Variants in EMC1 observed in about 807,000 individuals in gnomAD.
EMC1 encodes KIAA0090.
A neutral mutation model predicts 128.8 loss-of-function variants in EMC1; 103 were observed. That is an observed-to-expected ratio of 0.80 (90% CI 0.68 to 0.94). The LOEUF is 0.94. EMC1 is among the 40% of genes least tolerant of loss of function. The pLI is 0.00. For synonymous variants in EMC1, 442 were observed against 490.4 expected, an observed-to-expected ratio of 0.90 and a Z score of 1.30; for missense variants, 1,083 against 1,250.6, an observed-to-expected ratio of 0.87 and a Z score of 2.02.
chr1:19,244,767 A>G, intron 2 of EMC1, 139 bp downstream of exon 2: 2 of 977,840 alleles, frequency 2.0e-6, no homozygotes, highest in East Asian at 4.9e-5. Flanking sequence ...AGACTGAAAA[A>G]AAAAAAGTAT....
rs1429262655 is a variant in EMC1, at chr1:19,219,906, A to C, written c.2673-208T>G. On this transcript the variant is annotated intron_variant, in intron 21 of 22. Coordinates refer to ENST00000477853, the MANE Select transcript of EMC1 (RefSeq NM_015047.3). Reference sequence around the variant, plus strand: ...AAGCTCTCTGGAGAGTAAGACTGAGATCTAGATTCCTACTTTGTTCTAAAT... The same window carrying C: ...AAGCTCTCTGGAGAGTAAGACTGAGCTCTAGATTCCTACTTTGTTCTAAAT... 3 of 561,204 alleles carry C rather than the reference A, an allele frequency of 5.3e-6. No homozygotes were observed. The Admixed American group carries it at 9.4e-5, about 18-fold the overall frequency. 34.8% of individuals were successfully genotyped at this position (561,204 alleles called of 1,614,324 possible). A position where few individuals can be genotyped will look rare whatever the true frequency, so the allele number is the denominator to read the frequency against.
chr1:19,224,966 T>C (rs1368427933), intron 18 of EMC1, among the ~76,000 whole-genome samples: 1 of 152,214 alleles, frequency 6.6e-6, no homozygotes, highest in African/African-American at 2.4e-5. Context: ...GTCCACTCAC[T>C]CCGTGCCACT....
intron 17 of EMC1, among the ~76,000 whole-genome samples, chr1:19,230,032 C>CA (rs1165166645): frequency 1.3e-5 from 2 of 152,168 alleles, no homozygotes; most frequent in African/African-American, 4.8e-5. Context: ...AAGGCCATGC[C>CA]AGCCCCTCGT....
intron 13 of EMC1, chr1:19,234,235 A>T (rs1214210673): frequency 2.0e-5 from 20 of 976,690 alleles, no homozygotes; most frequent in African/African-American, 3.5e-5. Flanking sequence ...ATTAATCCTC[A>T]GCTTAAGAAA....
In EMC1 at chr1:19,232,698, AG is replaced by A; in HGVS notation, c.1707del (p.Phe570LeufsTer3). The A allele has an allele frequency of 1.9e-6, 3 of 1,614,216 alleles. No homozygotes were observed. The highest frequency in any genetic ancestry group is 2.5e-6 in the Non-Finnish European group (3 of 1,180,036). On this transcript the variant is annotated frameshift_variant, in exon 15 of 23. Coordinates refer to ENST00000477853, the MANE Select transcript of EMC1 (RefSeq NM_015047.3). LOFTEE classifies it high-confidence loss of function. Reference sequence around the variant, plus strand: ...GTAGTTCTCTGGACCATCAGTTTAAAGGAGGAGTCTGGCTTGACATTGGGTA... The same window carrying A: ...GTAGTTCTCTGGACCATCAGTTTAAAGAGGAGTCTGGCTTGACATTGGGTA... ...QYLPNVKPDS[S>X]FKLMVQRTTA... is the part of the protein sequence containing the mutation.
chr1:19,235,044 A>G lies in EMC1; in HGVS notation c.1432+86T>C, dbSNP rs1039759298. 4.2e-6 allele frequency: 6 copies of G among 1,434,030 alleles called. No homozygotes were observed. In the African/African-American group the frequency reaches 7.1e-5, roughly 17 times the overall value. 88.8% of individuals were successfully genotyped at this position (1,434,030 alleles called of 1,614,324 possible). ...AGCAATCTGCCCAGCCTAGGAAGCCAGAGATGCATGATACAGTGTCTCTTG... is the reference window on the plus strand; with the variant it reads ...AGCAATCTGCCCAGCCTAGGAAGCCGGAGATGCATGATACAGTGTCTCTTG... On this transcript the variant is annotated intron_variant, in intron 13 of 22. Transcript: ENST00000477853.
chr1:19,239,196 A>G (rs776983053), intron 9 of EMC1, 35 bp downstream of exon 9: 3 of 1,591,600 alleles, frequency 1.9e-6, no homozygotes, highest in Non-Finnish European at 2.6e-6. Context: ...CAGGAAGGAA[A>G]ATCCCAAGTG....
chr1:19,220,315 A>G (rs1451525094), intron 21 of EMC1: 2 of 157,988 alleles, frequency 1.3e-5, no homozygotes, highest in African/African-American at 4.8e-5. Flanking sequence ...CCCTCCGCAA[A>G]CTCACCAGAC....
At position 19,239,266 on chromosome 1, in the gene EMC1, T is replaced by G; in HGVS notation, c.991A>C (p.Thr331Pro). The G allele has an allele frequency of 6.2e-7, 1 of 1,614,190 alleles. No individual in the cohort carries two copies. Among genetic ancestry groups the G allele is most frequent in the Non-Finnish European group, 8.5e-7 (1 of 1,180,010 alleles). The change falls in exon 9 of 23, where the codon ACG becomes CCG. Residue 331 changes from threonine (T) to proline (P), a missense_variant. This residue lies in a region of EMC1 where 544 missense variants were observed against 572.4 expected (regional missense o/e 0.95). Transcript: ENST00000477853. ...LVSFATTGEK[T>P]VAAVMACRNE... ...CGACAGGCCATGACTGCAGCCACCG[T>G]CTTCTCCCCAGTGGTGGCAAAGCTC...
At position 19,231,133 on chromosome 1, in the gene EMC1, G is replaced by A. The variant is rs938485281; in HGVS notation, c.1944+128C>T. 3.3e-5 allele frequency: 44 copies of A among 1,322,966 alleles called. 1 individual carries two copies. In the Middle Eastern group the frequency reaches 1.4e-3, roughly 41 times the overall value. 82.0% of individuals were successfully genotyped at this position (1,322,966 alleles called of 1,614,324 possible). On this transcript the variant is annotated intron_variant, in intron 16 of 22. Coordinates refer to ENST00000477853, the MANE Select transcript of EMC1 (RefSeq NM_015047.3). Reference sequence around the variant, plus strand: ...GCAGACACAGCCATCATTTCTCTTCGGGATGGCCTTAGAGCCCAAACACGT... The same window carrying A: ...GCAGACACAGCCATCATTTCTCTTCAGGATGGCCTTAGAGCCCAAACACGT...
At chr1:19,221,158 G>GCCTCCCTCCCATA (rs2093428336) in intron 20 of EMC1, 1 of 209,722 alleles carries the variant, frequency 4.8e-6, no homozygotes. Flanking sequence ...TCTCCCCGGG[G>GCCTCCCTCCCATA]CCTCCCTCCC....
Position 19,239,297 on chromosome 1 carries a change from G to C in EMC1, c.960C>G (p.Ala320=), listed in dbSNP as rs1432309664. Residue 320 remains alanine (A), a synonymous_variant, in exon 9 of 23, where the codon GCC becomes GCG. Transcript: ENST00000477853. The part of the protein sequence containing the change: ...LSLLKNFPQT[A]LVSFATTGEK... ...CCCCAGTGGTGGCAAAGCTCACTAG[G>C]GCAGTCTGGGGGAAAAGCAAGGCAT... 5 of 1,614,076 alleles carry C rather than the reference G, an allele frequency of 3.1e-6. No homozygotes were observed. The highest frequency in any genetic ancestry group is 4.2e-6 in the Non-Finnish European group (5 of 1,179,934).
At chr1:19,230,443 G>C (rs528493536) in intron 17 of EMC1, among the ~76,000 whole-genome samples, 1 of 152,158 alleles carries the variant, frequency 6.6e-6, no homozygotes, top group Admixed American at 6.6e-5. Flanking sequence ...GGTGGCGCAC[G>C]CCTGTAATCC....
At chr1:19,234,075 C>T (rs1203991192) in intron 13 of EMC1, 1 of 475,850 alleles carries the variant, frequency 2.1e-6, no homozygotes, top group Non-Finnish European at 2.7e-6. Flanking sequence ...CACACACACC[C>T]CAAGGATGTA....
Position 19,240,412 on chromosome 1 carries a change from G to C in EMC1, c.671C>G (p.Ser224Cys), listed in dbSNP as rs1280801312. ...CTCATCCACCACACCACAGGCTCCA[G>C]ACAGGTGCTGCAGCCACGGAGTTGA... ...RVSTPWLQHL[S>C]GACGVVDEAV... The change falls in exon 7 of 23, where the codon TCT becomes TGT. Residue 224 changes from serine (S) to cysteine (C), a missense_variant. Ser to Cys is a moderately radical substitution (Grantham distance 112, BLOSUM62 -1). Around this residue, in one of 3 missense-constraint regions of EMC1, gnomAD observed 544 missense variants for 572.4 expected, o/e 0.95. Transcript: ENST00000477853. The C allele has an allele frequency of 2.5e-6, 4 of 1,614,188 alleles. No individual in the cohort carries two copies. The highest frequency in any genetic ancestry group is 3.4e-6 in the Non-Finnish European group (4 of 1,180,028).
chr1:19,232,575 GC>G (rs1454074116), intron 15 of EMC1, 48 bp downstream of exon 15: 4 of 1,608,514 alleles, frequency 2.5e-6, no homozygotes, highest in Non-Finnish European at 3.4e-6. Context: ...TTACAAAATA[GC>G]AAAAAAGCCA....
intron 1 of EMC1, among the ~76,000 whole-genome samples, chr1:19,250,360 T>G (rs2093652921): frequency 6.6e-6 from 1 of 151,934 alleles, no homozygotes; most frequent in African/African-American, 2.4e-5. Context: ...ATTCATTCAT[T>G]CATGAAAATA....
chr1:19,231,461 A>C, intron 15 of EMC1, 39 bp from the exon 16 acceptor site: 1 of 1,595,500 alleles, frequency 6.3e-7, no homozygotes, highest in Non-Finnish European at 8.5e-7. Context: ...CAACAAGAAA[A>C]GACTGCAAAT....
rs553423372 is a variant in EMC1, at chr1:19,223,171, C to T, written c.2376+225G>A. ...ATTTTAACAATGATGCAACACAGAGCGTGTACATAACTAGTTCAAGGTTAT... is the reference window on the plus strand; with the variant it reads ...ATTTTAACAATGATGCAACACAGAGTGTGTACATAACTAGTTCAAGGTTAT... On this transcript the variant is annotated intron_variant, in intron 19 of 22. Transcript: ENST00000477853. 5.9e-5 allele frequency among the ~76,000 whole-genome samples: 9 copies of T among 152,246 alleles called. No individual in the cohort carries two copies. The East Asian group carries it at 1.3e-3, about 23-fold the overall frequency.
Sources: gnomAD v4.1 joint callset for allele counts (sites outside exome capture counted in the v4.1 genomes callset) on GRCh38, gnomAD v4.1.1 for gene constraint, gnomAD v4.1.1 regional missense constraint, MANE v1.5 for transcripts, NCBI Gene and HGNC (gene_info 2026-07-23, HGNC 2026-07-21) for gene names.